The following ANKRD28 variants were observed in gnomAD, a reference collection of about 807,000 sequenced individuals.
ANKRD28 encodes the protein ankyrin repeat domain 28, also known as serine/threonine-protein phosphatase 6 regulatory ankyrin repeat subunit A.
Under a neutral mutation model 126.5 loss-of-function variants are expected in ANKRD28, and 44 were observed. That is an observed-to-expected ratio of 0.35 (90% confidence interval 0.27 to 0.45). The LOEUF is 0.45. ANKRD28 is among the 20% of genes least tolerant of loss of function. The pLI is 1.00. For missense variants in ANKRD28, 1,110 were observed against 1,316.6 expected (o/e 0.84, Z 2.43); for synonymous variants, 442 against 468.5 (o/e 0.94, Z 0.73).
At chr3:15,841,847 C>T (rs1448565059) in intron 1 of ANKRD28, among the ~76,000 whole-genome samples, 1 of 152,020 alleles carries the variant, frequency 6.6e-6, no homozygotes, top group Non-Finnish European at 1.5e-5. Flanking sequence ...ACTAGTACAA[C>T]CACTAGGGAG....
intron 21 of ANKRD28, among the ~76,000 whole-genome samples, chr3:15,680,060 C>G (rs1398635370): frequency 1.3e-5 from 2 of 152,036 alleles, no homozygotes; most frequent in African/African-American, 2.4e-5. Flanking sequence ...CACAAGGGGT[C>G]CTGGAAACCA....
chr3:15,835,403 C>T (rs1393774862), intron 1 of ANKRD28, among the ~76,000 whole-genome samples: 1 of 152,138 alleles, frequency 6.6e-6, no homozygotes, highest in Non-Finnish European at 1.5e-5. Flanking sequence ...ATATAAATAG[C>T]TTTTAATTGC....
chr3:15,828,909 T>C (rs185131261), intron 1 of ANKRD28, among the ~76,000 whole-genome samples: 1 of 152,192 alleles, frequency 6.6e-6, no homozygotes, highest in Non-Finnish European at 1.5e-5. Flanking sequence ...GAAAGTACAT[T>C]CACGTCTGAA....
chr3:15,720,871 C>T, intron 8 of ANKRD28, 44 bp downstream of exon 8: 4 of 1,554,574 alleles, frequency 2.6e-6, no homozygotes, highest in East Asian at 2.3e-5. Context: ...GTTGTTTTAA[C>T]AGTGACATAT....
intron 1 of ANKRD28, among the ~76,000 whole-genome samples, chr3:15,840,071 TA>T (rs1181538324): frequency 6.6e-6 from 1 of 152,056 alleles, no homozygotes; most frequent in Non-Finnish European, 1.5e-5. Flanking sequence ...GAGAAAGAAA[TA>T]AAGAGCATCC....
chr3:15,745,219 G>C (rs2057396930), intron 4 of ANKRD28, among the ~76,000 whole-genome samples: 2 of 152,180 alleles, frequency 1.3e-5, no homozygotes, highest in Admixed American at 1.3e-4. Flanking sequence ...TTGCTGTGCA[G>C]AAGCTTTTCA....
chr3:15,797,904 G>A lies in ANKRD28; in HGVS notation c.-1383C>T. 1.0e-6 allele frequency: 1 copy of A among 985,392 alleles called. No homozygotes were observed. Among genetic ancestry groups the A allele is most frequent in the Non-Finnish European group, 1.2e-6 (1 of 829,952 alleles). The allele number at this position is 985,392 out of a possible 1,614,324, so 61.0% of individuals were successfully genotyped here. A position where few individuals can be genotyped will look rare whatever the true frequency, so the allele number is the denominator to read the frequency against. ...ACAGAAGCATTCCAACGGAGCAACA[G>A]TCTGAAGAGCAAAGACTGCAGACCC... is the stretch of plus-strand genomic sequence containing the variant. On this transcript the variant is annotated 5_prime_UTR_variant, in exon 1 of 28. Coordinates refer to ENST00000683139, the MANE Select transcript of ANKRD28 (RefSeq NM_001349278.2).
intron 1 of ANKRD28, among the ~76,000 whole-genome samples, chr3:15,824,491 A>G (rs1388128542): frequency 6.6e-6 from 1 of 152,246 alleles, no homozygotes; most frequent in Non-Finnish European, 1.5e-5. Context: ...GAGCTAATGA[A>G]CAAATTCAGC....
chr3:15,822,233 T>A (rs2060958350), intron 1 of ANKRD28, among the ~76,000 whole-genome samples: 1 of 152,182 alleles, frequency 6.6e-6, no homozygotes. Context: ...CTGAGCATTA[T>A]GTACCCCAAC....
chr3:15,792,595 G>A (rs1237540535), intron 2 of ANKRD28, among the ~76,000 whole-genome samples: 1 of 152,010 alleles, frequency 6.6e-6, no homozygotes, highest in Non-Finnish European at 1.5e-5. Flanking sequence ...GTGGGAGGTG[G>A]GGATGGTTAA....
chr3:15,689,352 A>G (rs1216919322), intron 18 of ANKRD28, among the ~76,000 whole-genome samples: 4 of 152,218 alleles, frequency 2.6e-5, no homozygotes, highest in Non-Finnish European at 5.9e-5. Context: ...GCCTTCAAAG[A>G]GTAACCAGTA....
chr3:15,673,927 G>A (rs571613761), intron 27 of ANKRD28, among the ~76,000 whole-genome samples: 195 of 152,168 alleles, frequency 1.3e-3, no homozygotes, highest in African/African-American at 4.1e-3. Context: ...GCCAGGTGGA[G>A]CACTCTGGGA....
intron 1 of ANKRD28, among the ~76,000 whole-genome samples, chr3:15,822,123 A>G (rs2060955687): frequency 6.6e-6 from 1 of 152,244 alleles, no homozygotes; most frequent in African/African-American, 2.4e-5. Context: ...CCATATGCTC[A>G]GAGAAGACTC....
At chr3:15,766,725 A>C (rs1227564757) in intron 2 of ANKRD28, among the ~76,000 whole-genome samples, 3 of 152,218 alleles carry the variant, frequency 2.0e-5, no homozygotes, top group South Asian at 4.1e-4. Context: ...TTCCTTGCTA[A>C]GGCAAAAGCC....
rs115040720 is a variant in ANKRD28, at chr3:15,847,843, A to G, written c.27+11534T>C. ...ATACTATCTTCCAGAATTGATTCAA[A>G]ACAAAATCCTGCACCGATTCCCTGC... On this transcript the variant is annotated intron_variant, in intron 1 of 27. Transcript: ENST00000399451. Among the ~76,000 whole-genome samples, 668 of 152,322 alleles carry G rather than the reference A, an allele frequency of 4.4e-3. 3 individuals carry two copies. Among genetic ancestry groups the G allele is most frequent in the African/African-American group, 0.015 (635 of 41,570 alleles).
intron 2 of ANKRD28, among the ~76,000 whole-genome samples, chr3:15,779,322 G>A (rs776889602): frequency 6.6e-6 from 1 of 152,060 alleles, no homozygotes; most frequent in Non-Finnish European, 1.5e-5. Context: ...GCCTTCACAG[G>A]AACCAGCATA....
At chr3:15,829,939 T>C (rs1357999751) in intron 1 of ANKRD28, among the ~76,000 whole-genome samples, 1 of 140,428 alleles carries the variant, frequency 7.1e-6, no homozygotes, top group Non-Finnish European at 1.6e-5. Context: ...GGTATTCTAT[T>C]AAAAAAAAAA....
chr3:15,810,313 T>C (rs1018354724), intron 1 of ANKRD28, among the ~76,000 whole-genome samples: 4 of 151,704 alleles, frequency 2.6e-5, no homozygotes, highest in African/African-American at 7.3e-5. Context: ...ATACCATTGA[T>C]AAGTATTTCA....
chr3:15,692,675 G>A lies in ANKRD28; in HGVS notation c.1761+2064C>T, dbSNP rs951067498. Among the ~76,000 whole-genome samples, 40 of 152,136 alleles carry A rather than the reference G, an allele frequency of 2.6e-4. 1 individual carries two copies. Among genetic ancestry groups the A allele is most frequent in the African/African-American group, 9.2e-4 (38 of 41,432 alleles). On this transcript the variant is annotated intron_variant, in intron 17 of 27. Transcript: ENST00000683139. ...AAGTTGTCCCGAATGGGAGAGTTTC[G>A]TGTAAGAAATTAAAGTAACTTCTGA... is the stretch of plus-strand genomic sequence containing the variant.
Sources: gnomAD v4.1 joint callset for allele counts (sites outside exome capture counted in the v4.1 genomes callset) on GRCh38, gnomAD v4.1.1 for gene constraint, MANE v1.5 for transcripts, NCBI Gene and HGNC (gene_info 2026-07-23, HGNC 2026-07-21) for gene names.